Variants in TM7SF3 observed in about 807,000 individuals in gnomAD.
TM7SF3 encodes seven span transmembrane protein.
Under a neutral mutation model 65.5 loss-of-function variants are expected in TM7SF3, and 60 were observed. The ratio of observed to expected loss-of-function variants is 0.92; its 90% CI spans 0.74 to 1.14. TM7SF3 has a LOEUF of 1.14. Among genes scored for constraint, TM7SF3 ranks in the 50% most tolerant of loss-of-function variants. TM7SF3 has a pLI of 0.00. For missense variants in TM7SF3, 623 were observed against 684.8 expected (o/e 0.91, Z 1.01); for synonymous variants, 264 against 259.6 (o/e 1.02, Z -0.16).
At chr12:26,990,920 C>T (rs542541371) in intron 5 of TM7SF3, among the ~76,000 whole-genome samples, 21 of 152,144 alleles carry the variant, frequency 1.4e-4, no homozygotes, top group Non-Finnish European at 2.5e-4. Context: ...GTTTTTTCAC[C>T]TCTGCTAGAC....
chr12:27,010,826 A>G (rs1254470228), intron 1 of TM7SF3, among the ~76,000 whole-genome samples: 1 of 152,226 alleles, frequency 6.6e-6, no homozygotes, highest in Non-Finnish European at 1.5e-5. Flanking sequence ...ACCCAGAATC[A>G]CTTTTTCTTT....
chr12:26,980,740 C>A lies in TM7SF3; in HGVS notation c.956-94G>T. Reference sequence around the variant, plus strand: ...CAGTGCAATTTAAATATTTAATCTACAAATACATGCTTAAGCTCCTGGAAT... The same window carrying A: ...CAGTGCAATTTAAATATTTAATCTAAAAATACATGCTTAAGCTCCTGGAAT... On this transcript the variant is annotated intron_variant, in intron 7 of 11. Coordinates refer to ENST00000343028, the MANE Select transcript of TM7SF3 (RefSeq NM_016551.3). 4 of 617,186 alleles carry A rather than the reference C, an allele frequency of 6.5e-6. No homozygotes were observed. In the South Asian group the frequency reaches 8.6e-5, roughly 13 times the overall value. The allele number at this position is 617,186 out of a possible 1,614,324, so 38.2% of individuals were successfully genotyped here.
intron 1 of TM7SF3, among the ~76,000 whole-genome samples, chr12:27,005,057 ATGAT>A (rs1209606174): frequency 6.6e-6 from 1 of 152,212 alleles, no homozygotes; most frequent in Non-Finnish European, 1.5e-5. Context: ...TCCCATTATC[ATGAT>A]TATTTTATTA....
At chr12:26,993,514 C>G (rs1161948603) in intron 5 of TM7SF3, among the ~76,000 whole-genome samples, 2 of 152,162 alleles carry the variant, frequency 1.3e-5, no homozygotes, top group Admixed American at 6.5e-5. Flanking sequence ...TACATAAGCA[C>G]GTAATACAGG....
intron 1 of TM7SF3, among the ~76,000 whole-genome samples, chr12:27,007,610 G>C (rs1289527368): frequency 1.3e-5 from 2 of 151,782 alleles, no homozygotes; most frequent in African/African-American, 2.4e-5. Context: ...CTAAGGTCCA[G>C]GTATCAATTA....
chr12:26,983,437 A>G (rs1295113024), intron 6 of TM7SF3: 1 of 373,926 alleles, frequency 2.7e-6, no homozygotes, highest in Non-Finnish European at 5.4e-6. Context: ...AATGAAAATT[A>G]TGTTAATGAC....
At chr12:27,006,722 A>G (rs1187956173) in intron 1 of TM7SF3, among the ~76,000 whole-genome samples, 1 of 152,216 alleles carries the variant, frequency 6.6e-6, no homozygotes, top group African/African-American at 2.4e-5. Context: ...AAAAGATATA[A>G]ATATGTTTGA....
chr12:27,013,437 G>C (rs1941324981), intron 1 of TM7SF3, among the ~76,000 whole-genome samples: 1 of 152,176 alleles, frequency 6.6e-6, no homozygotes, highest in South Asian at 2.1e-4. Flanking sequence ...GGCTGAACTT[G>C]TAGAATTGAG....
rs947350385 is a variant in TM7SF3, at chr12:26,974,379, A to C, written c.1451-152T>G. On this transcript the variant is annotated intron_variant, in intron 11 of 11. Transcript: ENST00000343028. ...CACATATGTAGTTCCTCAGTTACAA[A>C]CCAAGGAATCAGTAGGGAAGCCACA... The C allele has an allele frequency of 5.6e-5, 46 of 826,854 alleles. No individual in the cohort carries two copies. The Admixed American group carries it at 6.5e-4, about 12-fold the overall frequency. 51.2% of individuals were successfully genotyped at this position (826,854 alleles called of 1,614,324 possible). A position where few individuals can be genotyped will look rare whatever the true frequency, so the allele number is the denominator to read the frequency against.
At position 26,973,202 on chromosome 12, in the gene TM7SF3, CAG is replaced by C; in HGVS notation, c.*761_*762del. The C allele has an allele frequency of 6.7e-6, 1 of 148,538 alleles. No homozygotes were observed. Among genetic ancestry groups the C allele is most frequent in the Middle Eastern group, 3.5e-3 (1 of 288 alleles). 9.2% of individuals were successfully genotyped at this position (148,538 alleles called of 1,614,324 possible). A position where few individuals can be genotyped will look rare whatever the true frequency, so the allele number is the denominator to read the frequency against. ...TTTTTTTTTTTTTAATTTCTCGAGA[CAG>C]GGTCTCTGTCACCCAAGCTGGAGTG... is the stretch of plus-strand genomic sequence containing the variant. On this transcript the variant is annotated 3_prime_UTR_variant, in exon 12 of 12. Coordinates refer to ENST00000343028, the MANE Select transcript of TM7SF3 (RefSeq NM_016551.3).
At chr12:26,985,818 T>G (rs1343087784) in intron 6 of TM7SF3, among the ~76,000 whole-genome samples, 4 of 107,480 alleles carry the variant, frequency 3.7e-5, no homozygotes, top group Non-Finnish European at 7.7e-5. Context: ...TTTTTTTTTT[T>G]TTTTTTTTTT....
intron 6 of TM7SF3, among the ~76,000 whole-genome samples, chr12:26,989,535 GAGA>G (rs1236411278): frequency 3.9e-5 from 6 of 152,016 alleles, no homozygotes; most frequent in Non-Finnish European, 4.4e-5. Context: ...CATATAGAGA[GAGA>G]AGAAGAGAGA....
intron 7 of TM7SF3, among the ~76,000 whole-genome samples, chr12:26,981,261 C>A (rs1394132808): frequency 6.6e-6 from 1 of 152,142 alleles, no homozygotes; most frequent in Admixed American, 6.5e-5. Context: ...TTAAATTCTT[C>A]ACAGCTGTTC....
chr12:27,012,338 T>A (rs561099743), intron 1 of TM7SF3, among the ~76,000 whole-genome samples: 4 of 152,262 alleles, frequency 2.6e-5, no homozygotes, highest in Admixed American at 2.6e-4. Flanking sequence ...GAGTGAATGT[T>A]AGTGCCCTAT....
intron 2 of TM7SF3, chr12:26,999,881 C>T (rs113987745): frequency 0.014 from 7,097 of 518,652 alleles, 75 homozygotes; most frequent in Non-Finnish European, 0.019. Flanking sequence ...GAAAAATATA[C>T]GATTGTCTTA....
intron 9 of TM7SF3, among the ~76,000 whole-genome samples, chr12:26,977,801 T>G (rs1408364509): frequency 6.7e-6 from 1 of 149,234 alleles, no homozygotes; most frequent in Non-Finnish European, 1.5e-5. Flanking sequence ...TATGTGTGTG[T>G]GTGTATACAT....
chr12:26,979,849 CA>C lies in TM7SF3; in HGVS notation c.1123del (p.Cys375AlafsTer7). The C allele has an allele frequency of 1.9e-6, 3 of 1,614,126 alleles. No individual in the cohort carries two copies. Among genetic ancestry groups the C allele is most frequent in the Non-Finnish European group, 2.5e-6 (3 of 1,180,012 alleles). On this transcript the variant is annotated frameshift_variant, in exon 9 of 12. Coordinates refer to ENST00000343028, the MANE Select transcript of TM7SF3 (RefSeq NM_016551.3). LOFTEE classifies it high-confidence loss of function. ...CAGCACTAGTCCAACACAGAGCATGCAGATCGAGAGGATTCCAAATCGCCAC... is the reference window on the plus strand; with the variant it reads ...CAGCACTAGTCCAACACAGAGCATGCGATCGAGAGGATTCCAAATCGCCAC... ...VWWRFGILSICMLCVGLVLGF... is the reference protein window; with the variant it reads ...VWWRFGILSIXMLCVGLVLGF...
rs546132602 is a variant in TM7SF3, at chr12:26,995,400, T to C, written c.527A>G (p.Asp176Gly). 6.2e-7 allele frequency: 1 copy of C among 1,614,184 alleles called. No individual in the cohort carries two copies. The highest frequency in any genetic ancestry group is 1.3e-5 in the African/African-American group (1 of 75,038). ...TGTCCCAGCGTCACATGGTGGGGGATCTACGCCTCTAAAGTCAACCAACAA... is the reference window on the plus strand; with the variant it reads ...TGTCCCAGCGTCACATGGTGGGGGACCTACGCCTCTAAAGTCAACCAACAA... ...PANLGYARGV[D>G]PPPCDAGTDQ... The change falls in exon 5 of 12, where the codon GAT (aspartate) becomes GGT (glycine). Residue 176 changes from aspartate to glycine, a missense_variant. Physicochemically the swap from Asp to Gly is moderately conservative, Grantham distance 94 (BLOSUM62 -1). Coordinates refer to ENST00000343028, the MANE Select transcript of TM7SF3 (RefSeq NM_016551.3).
chr12:27,003,467 G>A, intron 1 of TM7SF3, 77 bp from the exon 2 acceptor site: 5 of 1,355,646 alleles, frequency 3.7e-6, no homozygotes, highest in East Asian at 2.4e-5. Context: ...ATAAATGAAT[G>A]TGGAATTTAA....
Sources: allele counts gnomAD v4.1 joint callset (sites outside exome capture counted in the v4.1 genomes callset), GRCh38; gene constraint gnomAD v4.1.1; transcripts MANE v1.5; gene names NCBI Gene and HGNC (gene_info 2026-07-23, HGNC 2026-07-21).